The following ZNF184 variants were observed in gnomAD, a reference collection of about 807,000 sequenced individuals.
The protein encoded by ZNF184 is zinc finger protein 184, also known as zinc finger protein 184 (Kruppel-like).
In ZNF184, 16 loss-of-function variants were observed where a neutral mutation model predicts 54.4. That is an observed-to-expected ratio of 0.29 (90% CI 0.20 to 0.45). The LOEUF is 0.45. ZNF184 is among the 20% of genes least tolerant of loss of function. The pLI, the probability that ZNF184 is intolerant of heterozygous loss-of-function variation, is 1.00. For missense variants in ZNF184, 681 were observed against 888.2 expected (o/e 0.77, Z 2.97); for synonymous variants, 254 against 295.3 (o/e 0.86, Z 1.43).
At chr6:27,446,963 G>A (rs1035143258), downstream of ZNF184, among the ~76,000 whole-genome samples, 1 of 151,772 alleles carries the variant, frequency 6.6e-6, no homozygotes, top group Admixed American at 6.6e-5. Context: ...TGGCCAACCT[G>A]GTGAAACCCT....
chr6:27,428,287 T>C, the ZNF184 span, among the ~76,000 whole-genome samples: 90,380 of 151,986 alleles, frequency 0.59, 27,215 homozygotes, highest in Middle Eastern at 0.75. This position sits in a 1 kb window ranked among gnomAD's most constrained non-coding sequence, Gnocchi z 4.1. Context: ...ATTTCCACTG[T>C]CTCTTTACTC....
At chr6:27,419,572 A>AGATAGATAGATT in the ZNF184 span, among the ~76,000 whole-genome samples, 1 of 146,850 alleles carries the variant, frequency 6.8e-6, no homozygotes, top group African/African-American at 2.5e-5. The surrounding 1 kb of genome is among the most constrained non-coding windows in gnomAD (Gnocchi z 4.8). Context: ...ATAGATAGAT[A>AGATAGATAGATT]GATTCATAAA....
intron 3 of ZNF184, among the ~76,000 whole-genome samples, chr6:27,466,229 C>T (rs752588578): frequency 6.6e-6 from 1 of 152,106 alleles, no homozygotes; most frequent in African/African-American, 2.4e-5. Context: ...ACAAAGAACA[C>T]AGCAGCCTCT....
chr6:27,424,741 A>G, the ZNF184 span, among the ~76,000 whole-genome samples: 1 of 152,214 alleles, frequency 6.6e-6, no homozygotes, highest in Admixed American at 6.5e-5. Context: ...TCCCCACCAG[A>G]TTCAGGAGCC....
chr6:27,468,290 T>C (rs1763193177), intron 2 of ZNF184, among the ~76,000 whole-genome samples: 1 of 152,216 alleles, frequency 6.6e-6, no homozygotes, highest in African/African-American at 2.4e-5. Flanking sequence ...TTTGAAAACT[T>C]TGCTATTAAT....
the ZNF184 span, among the ~76,000 whole-genome samples, chr6:27,414,683 A>G: frequency 6.6e-6 from 1 of 151,984 alleles, no homozygotes; most frequent in South Asian, 2.1e-4. Flanking sequence ...ATTATGATAC[A>G]TATCCCATTG....
At chr6:27,456,215 G>A (rs1762850028) in intron 5 of ZNF184, among the ~76,000 whole-genome samples, 1 of 151,530 alleles carries the variant, frequency 6.6e-6, no homozygotes, top group Non-Finnish European at 1.5e-5. Context: ...CCAAGATTAC[G>A]CCACTGCACT....
At chr6:27,439,983 T>C in the ZNF184 span, among the ~76,000 whole-genome samples, 7 of 152,302 alleles carry the variant, frequency 4.6e-5, no homozygotes, top group African/African-American at 1.7e-4. Context: ...CTTAACTTTC[T>C]CCAAGTTGAA....
chr6:27,435,791 T>C, the ZNF184 span, among the ~76,000 whole-genome samples: 3 of 152,160 alleles, frequency 2.0e-5, no homozygotes, highest in Admixed American at 6.5e-5. Context: ...GTAGACCCAG[T>C]AAAGGTATTG....
chr6:27,451,933 A>T lies in ZNF184; in HGVS notation c.1626T>A (p.Ser542Arg). 6.2e-7 allele frequency: 1 copy of T among 1,612,710 alleles called. No homozygotes were observed. The change falls in exon 6 of 6, where the codon AGT (serine) becomes AGA (arginine). Residue 542 changes from serine (S) to arginine (R), a missense_variant. Coordinates refer to ENST00000683788, the MANE Select transcript of ZNF184 (RefSeq NM_001318891.2). ...CKECGKAFIR[S>R]SSLAKHERIH... is the part of the protein sequence containing the mutation. ...TTCTTTCATGCTTAGCAAGAGATGA[A>T]CTCCGAATAAAAGCTTTCCCACATT...
At chr6:27,443,035 T>C in the ZNF184 span, among the ~76,000 whole-genome samples, 3 of 152,230 alleles carry the variant, frequency 2.0e-5, no homozygotes, top group Admixed American at 1.3e-4. Context: ...ATTCAAAATG[T>C]TCCCAAATTA....
At chr6:27,442,530 A>T in the ZNF184 span, among the ~76,000 whole-genome samples, 1 of 152,020 alleles carries the variant, frequency 6.6e-6, no homozygotes, top group African/African-American at 2.4e-5. Flanking sequence ...CTGAGGTGGA[A>T]GGATTGCTTG....
chr6:27,472,435 TA>T lies in ZNF184; in HGVS notation c.-139-3del. On this transcript the variant is annotated splice_region_variant and splice_polypyrimidine_tract_variant and intron_variant, in intron 1 of 5. Transcript: ENST00000683788. This position sits in a 1 kb window ranked among gnomAD's most constrained non-coding sequence, Gnocchi z 4.8. ...TGCAACACGCTGAGGTTGTCTACCC[TA>T]AAAGACACAGGATGGCGTCAGCAGC... The T allele has an allele frequency of 9.7e-7, 1 of 1,034,142 alleles. No homozygotes were observed. Among genetic ancestry groups the T allele is most frequent in the Non-Finnish European group, 1.5e-6 (1 of 687,514 alleles). 64.1% of individuals were successfully genotyped at this position (1,034,142 alleles called of 1,614,324 possible).
the ZNF184 span, among the ~76,000 whole-genome samples, chr6:27,427,925 C>A: frequency 0.014 from 2,098 of 152,234 alleles, 41 homozygotes; most frequent in African/African-American, 0.044. Context: ...CCATCTATAC[C>A]AACCTCTTGG....
At chr6:27,415,527 G>A in the ZNF184 span, among the ~76,000 whole-genome samples, 1 of 152,070 alleles carries the variant, frequency 6.6e-6, no homozygotes, top group African/African-American at 2.4e-5. Context: ...GAGGAGAGGA[G>A]GTTTTTCTTG....
Position 27,467,099 on chromosome 6 carries a change from C to A in ZNF184, c.75+754G>T, listed in dbSNP as rs543000937. ...TTCTCTATACCTAGAATCCATACCT[C>A]CAGCCCCACCACCTTACTTGTTCAA... On this transcript the variant is annotated intron_variant, in intron 3 of 5. Coordinates refer to ENST00000683788, the MANE Select transcript of ZNF184 (RefSeq NM_001318891.2). Among the ~76,000 whole-genome samples the A allele has an allele frequency of 2.6e-5, 4 of 152,296 alleles. No individual in the cohort carries two copies. The South Asian group carries it at 8.3e-4, about 32-fold the overall frequency.
In ZNF184 at chr6:27,466,557, T is replaced by A. The variant is rs1001542720; in HGVS notation, c.75+1296A>T. ...AAGTCACACAAGGTATGTTCTCTGA[T>A]TATGGATATTTTCACTCTCTTGCTT... On this transcript the variant is annotated intron_variant, in intron 3 of 5. Transcript: ENST00000683788. 1.3e-4 allele frequency among the ~76,000 whole-genome samples: 20 copies of A among 152,280 alleles called. No homozygotes were observed. In the East Asian group the frequency reaches 3.3e-3, roughly 25 times the overall value.
At chr6:27,447,221 A>G (rs1280737727), downstream of ZNF184, among the ~76,000 whole-genome samples, 1 of 152,090 alleles carries the variant, frequency 6.6e-6, no homozygotes, top group Non-Finnish European at 1.5e-5. Context: ...TTCAGATGAG[A>G]CTCTGGACTT....
intron 4 of ZNF184, 103 bp downstream of exon 4, chr6:27,457,180 A>G: frequency 6.9e-7 from 1 of 1,450,046 alleles, no homozygotes; most frequent in Non-Finnish European, 9.3e-7. Context: ...CTAGAAATTT[A>G]GAAATGGTTG....
Sources: allele counts gnomAD v4.1 joint callset (sites outside exome capture counted in the v4.1 genomes callset), GRCh38; gene constraint gnomAD v4.1.1; non-coding constraint Gnocchi (gnomAD v3.1); transcripts MANE v1.5; gene names NCBI Gene and HGNC (gene_info 2026-07-23, HGNC 2026-07-21).